The following AKAP7 variants were observed in gnomAD, a reference collection of about 807,000 sequenced individuals.
AKAP7 encodes A kinase (PRKA) anchor protein 7.
Under a neutral mutation model 39.5 loss-of-function variants are expected in AKAP7, and 39 were observed. That is an observed-to-expected ratio of 0.99 (90% CI 0.76 to 1.29). AKAP7 has a LOEUF of 1.29. Ranked by LOEUF, AKAP7 falls within the 50% of genes most tolerant of loss-of-function variation. AKAP7 has a pLI of 0.00. For synonymous variants in AKAP7, 140 were observed against 139.1 expected (o/e 1.01, Z -0.05); for missense variants, 414 against 407.7 (o/e 1.02, Z -0.13).
chr6:131,184,056 A>G (rs927666367), intron 5 of AKAP7, among the ~76,000 whole-genome samples: 3 of 152,158 alleles, frequency 2.0e-5, no homozygotes, highest in Non-Finnish European at 2.9e-5. Flanking sequence ...GGCAAGCAGA[A>G]TGAATGCATT....
At chr6:131,253,423 A>G (rs1398429613) in intron 7 of AKAP7, among the ~76,000 whole-genome samples, 1 of 152,194 alleles carries the variant, frequency 6.6e-6, no homozygotes, top group Non-Finnish European at 1.5e-5. Flanking sequence ...GGCAATTAGG[A>G]TATCCATCAC....
chr6:131,282,420 G>C lies in AKAP7; in HGVS notation c.*694G>C, dbSNP rs892397775. On this transcript the variant is annotated 3_prime_UTR_variant, in exon 8 of 8. Transcript: ENST00000431975. ...TTAGGCAAGAAACCTATTGGAATTC[G>C]AGACTTAATTAATGAAGCTTTGCAT... is the stretch of plus-strand genomic sequence containing the variant. 1.3e-6 allele frequency: 2 copies of C among 1,505,430 alleles called. No homozygotes were observed. The highest frequency in any genetic ancestry group is 2.1e-5 in the Admixed American group (1 of 48,592). 93.3% of individuals were successfully genotyped at this position (1,505,430 alleles called of 1,614,324 possible). A position where few individuals can be genotyped will look rare whatever the true frequency, so the allele number is the denominator to read the frequency against.
chr6:131,246,856 A>G (rs1812044463), intron 7 of AKAP7, among the ~76,000 whole-genome samples: 1 of 152,072 alleles, frequency 6.6e-6, no homozygotes, highest in South Asian at 2.1e-4. Context: ...TTCATATTGT[A>G]TATAGCTGAG....
intron 2 of AKAP7, among the ~76,000 whole-genome samples, chr6:131,150,232 C>T (rs1331491673): frequency 2.0e-5 from 3 of 151,928 alleles, no homozygotes; most frequent in African/African-American, 7.3e-5. Flanking sequence ...CTTATTTTAC[C>T]TCACACAGAA....
intron 5 of AKAP7, among the ~76,000 whole-genome samples, chr6:131,173,610 A>C (rs2128248167): frequency 6.6e-6 from 1 of 152,372 alleles, no homozygotes; most frequent in East Asian, 1.9e-4. Context: ...ACTTAAAATC[A>C]TTAGTAGGCC....
At chr6:131,197,104 C>G (rs1176457897) in intron 5 of AKAP7, among the ~76,000 whole-genome samples, 1 of 151,754 alleles carries the variant, frequency 6.6e-6, no homozygotes, top group African/African-American at 2.4e-5. Flanking sequence ...ATGTAATAAC[C>G]ATGTAAGTTC....
At chr6:131,142,125 A>C (rs556113117) in intron 1 of AKAP7, among the ~76,000 whole-genome samples, 11 of 152,272 alleles carry the variant, frequency 7.2e-5, no homozygotes, top group Admixed American at 6.5e-4. Flanking sequence ...GCTTGTGGTA[A>C]AGAAGCAAAA....
At chr6:131,161,562 T>C (rs1802949302) in intron 3 of AKAP7, among the ~76,000 whole-genome samples, 1 of 140,706 alleles carries the variant, frequency 7.1e-6, no homozygotes, top group East Asian at 2.1e-4. Context: ...GGAGGATTGC[T>C]TGAGTCCAGG....
Position 131,145,304 on chromosome 6 carries a change from G to C in AKAP7, c.39G>C (p.Glu13Asp), listed in dbSNP as rs376688567. The C allele has an allele frequency of 6.5e-6, 10 of 1,531,498 alleles. No homozygotes were observed. The highest frequency in any genetic ancestry group is 1.4e-5 in the African/African-American group (1 of 72,370). 94.9% of individuals were successfully genotyped at this position (1,531,498 alleles called of 1,614,324 possible). A position where few individuals can be genotyped will look rare whatever the true frequency, so the allele number is the denominator to read the frequency against. ...RPEAGGINSNECENVSRKKKM... is the reference protein window; with the variant it reads ...RPEAGGINSNDCENVSRKKKM... The stretch of plus-strand genomic sequence containing the variant: ...TTAAAGGAGGAATTAATTCCAATGA[G>C]TGTGAAAATGTATCAAGAAAAAAGA... The change falls in exon 2 of 8, where the codon GAG (glutamate) becomes GAC (aspartate). Residue 13 changes from glutamate to aspartate, a missense_variant. Glu to Asp is a conservative substitution (Grantham distance 45). Transcript: ENST00000431975.
chr6:131,180,816 TC>T (rs754390651), intron 5 of AKAP7, among the ~76,000 whole-genome samples: 3 of 103,170 alleles, frequency 2.9e-5, no homozygotes, highest in African/African-American at 6.5e-5. Context: ...GACACCACTT[TC>T]TTTTTTTGTT....
chr6:131,136,901 C>A (rs1161364836), intron 1 of AKAP7: 2 of 981,814 alleles, frequency 2.0e-6, no homozygotes, highest in Non-Finnish European at 2.4e-6. Context: ...TGCCCTTAGC[C>A]CTTTCCAGTT....
intron 7 of AKAP7, among the ~76,000 whole-genome samples, chr6:131,232,328 A>G (rs998649381): frequency 6.6e-6 from 1 of 152,220 alleles, no homozygotes; most frequent in Non-Finnish European, 1.5e-5. Context: ...TAAACAGGAA[A>G]AATAAAACCA....
At chr6:131,131,058 A>G (rs2128220128), upstream of AKAP7, among the ~76,000 whole-genome samples, 1 of 152,364 alleles carries the variant, frequency 6.6e-6, no homozygotes, top group South Asian at 2.1e-4. Context: ...ATGCAAACCT[A>G]TCCTGAAGGG....
intron 7 of AKAP7, among the ~76,000 whole-genome samples, chr6:131,236,009 G>A (rs1404938899): frequency 2.0e-5 from 3 of 152,276 alleles, no homozygotes; most frequent in African/African-American, 4.8e-5. Flanking sequence ...TATTGCCTAC[G>A]TTTTCTTCTA....
intron 7 of AKAP7, among the ~76,000 whole-genome samples, chr6:131,239,734 T>C (rs900838212): frequency 2.0e-4 from 31 of 152,236 alleles, no homozygotes; most frequent in Non-Finnish European, 3.5e-4. Context: ...CACATAGTTC[T>C]CGTGTCTTGG....
chr6:131,169,917 C>T (rs1336643209), intron 5 of AKAP7, among the ~76,000 whole-genome samples: 1 of 151,964 alleles, frequency 6.6e-6, no homozygotes, highest in African/African-American at 2.4e-5. Flanking sequence ...TATGCTTGGT[C>T]CACTTTTATC....
intron 7 of AKAP7, among the ~76,000 whole-genome samples, chr6:131,255,425 T>G (rs986634274): frequency 6.6e-6 from 1 of 152,180 alleles, no homozygotes; most frequent in African/African-American, 2.4e-5. Context: ...GAGAAACATT[T>G]TAACAGGCTC....
chr6:131,274,633 C>G (rs984257293), intron 7 of AKAP7, among the ~76,000 whole-genome samples: 9 of 152,110 alleles, frequency 5.9e-5, no homozygotes, highest in Admixed American at 1.3e-4. Flanking sequence ...CCACTGCACC[C>G]AGCTCTCTGC....
intron 7 of AKAP7, among the ~76,000 whole-genome samples, chr6:131,268,823 C>A (rs547497768): frequency 2.0e-5 from 3 of 152,216 alleles, no homozygotes; most frequent in Non-Finnish European, 4.4e-5. Flanking sequence ...AGGTAATGCT[C>A]TCTTAAAATA....
Sources: allele counts gnomAD v4.1 joint callset (sites outside exome capture counted in the v4.1 genomes callset), GRCh38; gene constraint gnomAD v4.1.1; transcripts MANE v1.5; gene names NCBI Gene and HGNC (gene_info 2026-07-23, HGNC 2026-07-21).